Variants in DPY19L4 observed in about 807,000 individuals in gnomAD.
DPY19L4 encodes the protein probable C-mannosyltransferase DPY19L4.
In DPY19L4, 97 loss-of-function variants were observed where a neutral mutation model predicts 102.8. The ratio of observed to expected loss-of-function variants is 0.94; its 90% CI spans 0.80 to 1.12. The LOEUF (loss-of-function observed/expected upper bound fraction) is 1.12, where lower values mean the gene tolerates loss of function less well. DPY19L4 is among the 50% of genes most tolerant of loss of function. DPY19L4 has a pLI of 0.00. For synonymous variants in DPY19L4, 252 were observed against 283.1 expected, an observed-to-expected ratio of 0.89 and a Z score of 1.10; for missense variants, 815 against 850.4, an observed-to-expected ratio of 0.96 and a Z score of 0.52.
chr8:94,770,530 T>G lies in DPY19L4; in HGVS notation c.1413T>G (p.Ile471Met), dbSNP rs1440390178. Residue 471 changes from isoleucine (I) to methionine (M), a missense_variant, in exon 13 of 19, where the codon ATT (isoleucine) becomes ATG (methionine). Coordinates refer to ENST00000414645, the MANE Select transcript of DPY19L4 (RefSeq NM_181787.3). ...GERPEIIYHV[I>M]HTILLGSLAM... is the part of the protein sequence containing the mutation. ...GACCAGAAATAATTTATCATGTAATTCACACTATTTTATTGGGTTCTCTTG... is the reference window on the plus strand; with the variant it reads ...GACCAGAAATAATTTATCATGTAATGCACACTATTTTATTGGGTTCTCTTG... 3 of 1,613,674 alleles carry G rather than the reference T, an allele frequency of 1.9e-6. No individual in the cohort carries two copies. In the East Asian group the frequency reaches 6.7e-5, roughly 36 times the overall value.
intron 7 of DPY19L4, among the ~76,000 whole-genome samples, chr8:94,758,480 G>A (rs966391883): frequency 1.3e-5 from 2 of 152,008 alleles, no homozygotes; most frequent in South Asian, 2.1e-4. Context: ...GAACTCTTCC[G>A]TCACCACTAA....
intron 13 of DPY19L4, among the ~76,000 whole-genome samples, chr8:94,771,430 T>C (rs1243814597): frequency 1.3e-5 from 2 of 152,240 alleles, no homozygotes; most frequent in Non-Finnish European, 2.9e-5. Flanking sequence ...TAAAGGTACC[T>C]CAATAAGCAA....
At chr8:94,769,724 T>A (rs1393349551) in intron 12 of DPY19L4, among the ~76,000 whole-genome samples, 1 of 151,958 alleles carries the variant, frequency 6.6e-6, no homozygotes, top group East Asian at 1.9e-4. Flanking sequence ...AAAGTTTGAC[T>A]AACCTTTGAT....
chr8:94,736,750 A>G (rs1586325498), intron 3 of DPY19L4, among the ~76,000 whole-genome samples: 2 of 152,352 alleles, frequency 1.3e-5, no homozygotes, highest in Middle Eastern at 3.4e-3. Context: ...CTGATTAAGT[A>G]TCTGCTGCTC....
Position 94,775,624 on chromosome 8 carries a change from G to C in DPY19L4, c.1455-2042G>C, listed in dbSNP as rs148424692. On this transcript the variant is annotated intron_variant, in intron 13 of 18. Coordinates refer to ENST00000414645, the MANE Select transcript of DPY19L4 (RefSeq NM_181787.3). ...TGACAGGCATGTGCCACTGTACCCA[G>C]GGATATTTCTTCATTTTCTCCATTC... Among the ~76,000 whole-genome samples, 10 of 152,332 alleles carry C rather than the reference G, an allele frequency of 6.6e-5. No individual in the cohort carries two copies. In the East Asian group the frequency reaches 1.9e-3, roughly 29 times the overall value.
At chr8:94,765,680 C>T in intron 9 of DPY19L4, 31 bp from the exon 10 acceptor site, 1 of 1,487,186 alleles carries the variant, frequency 6.7e-7, no homozygotes, top group Non-Finnish European at 9.3e-7. Flanking sequence ...TAACACCTCA[C>T]TTCTTTGTTC....
chr8:94,781,925 G>A (rs1339186011), intron 16 of DPY19L4, among the ~76,000 whole-genome samples: 13 of 152,142 alleles, frequency 8.5e-5, no homozygotes, highest in Non-Finnish European at 1.5e-5. Context: ...GGGTTGGTCT[G>A]GAATGGGTGA....
At chr8:94,769,060 T>G (rs1284332134) in intron 12 of DPY19L4, among the ~76,000 whole-genome samples, 4 of 150,042 alleles carry the variant, frequency 2.7e-5, no homozygotes, top group African/African-American at 9.8e-5. Flanking sequence ...CTTAGTTTTT[T>G]TGTTTTTTTT....
chr8:94,776,414 C>G (rs978640113), intron 13 of DPY19L4, among the ~76,000 whole-genome samples: 7 of 151,418 alleles, frequency 4.6e-5, no homozygotes, highest in South Asian at 2.1e-4. Flanking sequence ...AGTGATCTGC[C>G]CATCTCAGCC....
rs1431107118 is a variant in DPY19L4, at chr8:94,787,924, G to A, written c.1879G>A (p.Glu627Lys). The A allele has an allele frequency of 2.3e-5, 33 of 1,452,524 alleles. No homozygotes were observed. The highest frequency in any genetic ancestry group is 2.9e-5 in the Non-Finnish European group (32 of 1,099,002). 90.0% of individuals were successfully genotyped at this position (1,452,524 alleles called of 1,614,324 possible). Reference sequence around the variant, plus strand: ...CCAAATCTATTCAAAGCGATCTGCTGAGGATATTTATAAAATACTGACATC... The same window carrying A: ...CCAAATCTATTCAAAGCGATCTGCTAAGGATATTTATAAAATACTGACATC... ...IYQIYSKRSA[E>K]DIYKILTSYK... is the part of the protein sequence containing the mutation. The change falls in exon 18 of 19, where the codon GAG becomes AAG. Residue 627 changes from glutamate (E) to lysine (K), a missense_variant. By Grantham distance (56) the Glu-to-Lys change is moderately conservative. Coordinates refer to ENST00000414645, the MANE Select transcript of DPY19L4 (RefSeq NM_181787.3).
At chr8:94,722,719 T>C (rs988186034) in intron 1 of DPY19L4, among the ~76,000 whole-genome samples, 1 of 152,204 alleles carries the variant, frequency 6.6e-6, no homozygotes, top group African/African-American at 2.4e-5. Context: ...TCTATACTTT[T>C]TTTCCCCCAG....
intron 9 of DPY19L4, 70 bp downstream of exon 9, chr8:94,765,384 GC>G: frequency 6.9e-7 from 1 of 1,448,492 alleles, no homozygotes; most frequent in East Asian, 2.3e-5. Flanking sequence ...TCACTCTGTT[GC>G]CCAGGCTGGA....
chr8:94,786,540 C>T (rs1036558505), intron 17 of DPY19L4, among the ~76,000 whole-genome samples: 1 of 151,990 alleles, frequency 6.6e-6, no homozygotes, highest in Non-Finnish European at 1.5e-5. Context: ...CAATGATGAA[C>T]TGAACCTAAG....
In DPY19L4 at chr8:94,788,097, T is replaced by TA. The variant is rs747005204; in HGVS notation, c.2007+45_2007+46insA. On this transcript the variant is annotated intron_variant, in intron 18 of 18. Coordinates refer to ENST00000414645, the MANE Select transcript of DPY19L4 (RefSeq NM_181787.3). Reference sequence around the variant, plus strand: ...GTTATATATATGTATATATATATATTTTTTTTTTAGAAAAATGACTTTAAA... The same window carrying TA: ...GTTATATATATGTATATATATATATTATTTTTTTTAGAAAAATGACTTTAAA... The TA allele has an allele frequency of 8.4e-4, 805 of 961,072 alleles. 1 individual carries two copies. The highest frequency in any genetic ancestry group is 6.4e-3 in the East Asian group (122 of 19,190). 59.5% of individuals were successfully genotyped at this position (961,072 alleles called of 1,614,324 possible).
intron 6 of DPY19L4, among the ~76,000 whole-genome samples, chr8:94,752,025 T>G (rs1481352933): frequency 6.6e-6 from 1 of 152,190 alleles, no homozygotes; most frequent in Non-Finnish European, 1.5e-5. Context: ...ATTTGGGTAG[T>G]TTCCAGTTTT....
intron 13 of DPY19L4, among the ~76,000 whole-genome samples, chr8:94,774,040 A>T (rs1453649502): frequency 4.3e-5 from 2 of 46,538 alleles, no homozygotes; most frequent in Admixed American, 2.2e-4. Context: ...GTCTTTAGTT[A>T]AAAAAAAAAA....
chr8:94,787,449 G>A (rs1459456136), intron 17 of DPY19L4, among the ~76,000 whole-genome samples: 1 of 152,094 alleles, frequency 6.6e-6, no homozygotes, highest in Non-Finnish European at 1.5e-5. Context: ...TGACAGGTAG[G>A]AGGCAGCTAC....
chr8:94,777,793 C>A lies in DPY19L4; in HGVS notation c.1575+7C>A. On this transcript the variant is annotated splice_region_variant and intron_variant, in intron 14 of 18. Transcript: ENST00000414645. ...TGTACACCCAATATTGTTGGTGAGT[C>A]ATTATTTTGCATTGTTTCTCTTCTA... 2 of 1,599,024 alleles carry A rather than the reference C, an allele frequency of 1.3e-6. No individual in the cohort carries two copies. Among genetic ancestry groups the A allele is most frequent in the South Asian group, 2.3e-5 (2 of 88,456 alleles).
chr8:94,773,225 A>G (rs960509085), intron 13 of DPY19L4, among the ~76,000 whole-genome samples: 5 of 151,810 alleles, frequency 3.3e-5, no homozygotes, highest in Non-Finnish European at 7.4e-5. Flanking sequence ...AAAAAAAAAA[A>G]AAAAAAGGCA....
Sources: allele counts gnomAD v4.1 joint callset (sites outside exome capture counted in the v4.1 genomes callset), GRCh38; gene constraint gnomAD v4.1.1; transcripts MANE v1.5; gene names NCBI Gene and HGNC (gene_info 2026-07-23, HGNC 2026-07-21).